Variants in VSIG10 observed in about 807,000 individuals in gnomAD.
VSIG10 encodes the protein V-set and immunoglobulin domain containing 10.
VSIG10 carries 48 observed loss-of-function variants against 58.7 expected under a neutral mutation model. The ratio of observed to expected loss-of-function variants is 0.82; its 90% CI spans 0.65 to 1.04. VSIG10 has a LOEUF of 1.04. Ranked by LOEUF, VSIG10 falls within the 50% of genes least tolerant of loss-of-function variation. The pLI, the probability that VSIG10 is intolerant of heterozygous loss-of-function variation, is 0.00. For missense variants in VSIG10, 628 were observed against 670.0 expected, an observed-to-expected ratio of 0.94 and a Z score of 0.69; for synonymous variants, 260 against 267.1, an observed-to-expected ratio of 0.97 and a Z score of 0.26.
chr12:118,079,509 A>G lies in VSIG10; in HGVS notation c.762T>C (p.Pro254=), dbSNP rs1344225286. The G allele has an allele frequency of 1.9e-6, 3 of 1,613,918 alleles. No homozygotes were observed. Among genetic ancestry groups the G allele is most frequent in the Non-Finnish European group, 2.5e-6 (3 of 1,179,906 alleles). ...TCRWDGGYPD[P]DFLWIEEPGG... ...CTGGCTCTTCTATCCACAGGAAGTC[A>G]GGGTCAGGGTATCCCCCATCCCAGC... Residue 254 remains proline, a synonymous_variant, in exon 4 of 9, where the codon CCT becomes CCC. Transcript: ENST00000359236.
intron 4 of VSIG10, among the ~76,000 whole-genome samples, chr12:118,076,362 C>T (rs904113850): frequency 5.4e-5 from 8 of 146,954 alleles, no homozygotes; most frequent in East Asian, 3.9e-4. Context: ...AAATTATGCA[C>T]GGTCCCTTTT....
chr12:118,077,398 A>G (rs1367285139), intron 4 of VSIG10, among the ~76,000 whole-genome samples: 1 of 151,994 alleles, frequency 6.6e-6, no homozygotes, highest in East Asian at 1.9e-4. Context: ...TATATATACC[A>G]TTTTATTATC....
rs1028655220 is a variant in VSIG10, at chr12:118,066,772, A to G, written c.1568-78T>C. On this transcript the variant is annotated intron_variant, in intron 8 of 8. Coordinates refer to ENST00000359236, the MANE Select transcript of VSIG10 (RefSeq NM_019086.6). ...TCCACCGTCAGTCATCAATCATCTCAGTGATTTCTAGTCCTTTCCTGGTGA... is the reference window on the plus strand; with the variant it reads ...TCCACCGTCAGTCATCAATCATCTCGGTGATTTCTAGTCCTTTCCTGGTGA... The G allele has an allele frequency of 4.2e-6, 6 of 1,420,244 alleles. No individual in the cohort carries two copies. The African/African-American group carries it at 8.6e-5, about 20-fold the overall frequency. 88.0% of individuals were successfully genotyped at this position (1,420,244 alleles called of 1,614,324 possible).
intron 2 of VSIG10, among the ~76,000 whole-genome samples, chr12:118,087,096 G>C (rs1480282521): frequency 6.7e-6 from 1 of 150,288 alleles, no homozygotes; most frequent in East Asian, 2.0e-4. Context: ...AAAAAAGAAA[G>C]AAAGAAAGAA....
intron 8 of VSIG10, among the ~76,000 whole-genome samples, chr12:118,067,816 G>A (rs938434963): frequency 6.6e-6 from 1 of 151,976 alleles, no homozygotes; most frequent in African/African-American, 2.4e-5. Flanking sequence ...TCTATTTTCT[G>A]TTCTCCCACA....
At position 118,091,220 on chromosome 12, in the gene VSIG10, C is replaced by A. The variant is rs145904502; in HGVS notation, c.361+4313G>T. Among the ~76,000 whole-genome samples, 1,411 of 152,122 alleles carry A rather than the reference C, an allele frequency of 9.3e-3. 22 individuals carry two copies. The highest frequency in any genetic ancestry group is 0.033 in the African/African-American group (1,369 of 41,530). ...GTTAAAATGTTTCAGGGGCTGGGTA[C>A]GGTGGCTCACGCCTGTAATCCCAAC... On this transcript the variant is annotated intron_variant, in intron 2 of 8. Transcript: ENST00000359236.
intron 8 of VSIG10, 54 bp from the exon 9 acceptor site, chr12:118,066,748 C>T (rs2032262669): frequency 6.6e-7 from 1 of 1,509,804 alleles, no homozygotes; most frequent in African/African-American, 1.4e-5. Context: ...GATTCTATTT[C>T]CACCGTCAGT....
At chr12:118,068,000 G>A (rs1004760116) in intron 8 of VSIG10, among the ~76,000 whole-genome samples, 5 of 149,032 alleles carry the variant, frequency 3.4e-5, no homozygotes, top group South Asian at 2.1e-4. Context: ...GAAGCTCACC[G>A]CAGCAGTTCA....
In VSIG10 at chr12:118,089,494, A is replaced by G. The variant is rs543958137; in HGVS notation, c.361+6039T>C. Among the ~76,000 whole-genome samples the G allele has an allele frequency of 4.6e-5, 7 of 152,356 alleles. No homozygotes were observed. The South Asian group carries it at 1.5e-3, about 32-fold the overall frequency. On this transcript the variant is annotated intron_variant, in intron 2 of 8. Coordinates refer to ENST00000359236, the MANE Select transcript of VSIG10 (RefSeq NM_019086.6). ...AAGGTTATTCATTGATGAGATGGAC[A>G]GGAAGCGATGACTAATTATTTTGGG...
At chr12:118,070,521 C>A in intron 7 of VSIG10, among the ~76,000 whole-genome samples, 1 of 140,836 alleles carries the variant, frequency 7.1e-6, no homozygotes, top group Admixed American at 7.6e-5. Flanking sequence ...GCACTCCAGC[C>A]TGAGCAAGAG....
rs151140194 is a variant in VSIG10, at chr12:118,068,945, A to G, written c.1347-348T>C. Among the ~76,000 whole-genome samples the G allele has an allele frequency of 3.9e-4, 59 of 152,104 alleles. No homozygotes were observed. In the East Asian group the frequency reaches 0.011, roughly 28 times the overall value. On this transcript the variant is annotated intron_variant, in intron 7 of 8. Transcript: ENST00000359236. Reference sequence around the variant, plus strand: ...CTTACCAAAATCTCTCCCCTTCCTCATTTTGGAAGACCCAGGTAAAGTCCT... The same window carrying G: ...CTTACCAAAATCTCTCCCCTTCCTCGTTTTGGAAGACCCAGGTAAAGTCCT...
At chr12:118,094,106 G>A (rs1228877343) in intron 2 of VSIG10, among the ~76,000 whole-genome samples, 1 of 151,660 alleles carries the variant, frequency 6.6e-6, no homozygotes, top group Non-Finnish European at 1.5e-5. Context: ...GACTCCATAT[G>A]TTTTTTTTAG....
rs1219322587 is a variant in VSIG10 at position 118,103,831 on chromosome 12, C to CGA, written c.-162_-161dup. On this transcript the variant is annotated 5_prime_UTR_variant, in exon 1 of 9. Coordinates refer to ENST00000359236, the MANE Select transcript of VSIG10 (RefSeq NM_019086.6). ...CCCCAGGAAGGATGCTTGGCTGAGC[C>CGA]GAGTGTCCAGGGCCGGCAGCGGAGC... 4.4e-6 allele frequency: 3 copies of CGA among 678,648 alleles called. No homozygotes were observed. The highest frequency in any genetic ancestry group is 6.7e-6 in the Non-Finnish European group (3 of 450,028). 42.0% of individuals were successfully genotyped at this position (678,648 alleles called of 1,614,324 possible).
intron 2 of VSIG10, among the ~76,000 whole-genome samples, chr12:118,094,170 G>A (rs895126988): frequency 6.8e-6 from 1 of 147,334 alleles, no homozygotes; most frequent in African/African-American, 2.5e-5. Flanking sequence ...ATTGATAGGT[G>A]CAATTATGGT....
At chr12:118,081,020 C>T (rs147536889) in intron 3 of VSIG10, among the ~76,000 whole-genome samples, 2 of 152,126 alleles carry the variant, frequency 1.3e-5, no homozygotes, top group Non-Finnish European at 2.9e-5. Context: ...GTGAGCAGAT[C>T]ACTTGAGCTC....
At chr12:118,099,801 G>T (rs762153780) in intron 1 of VSIG10, among the ~76,000 whole-genome samples, 5 of 152,184 alleles carry the variant, frequency 3.3e-5, no homozygotes, top group Non-Finnish European at 7.3e-5. Context: ...TTAAGTGAAA[G>T]AGTAATCATT....
intron 7 of VSIG10, 147 bp from the exon 8 acceptor site, chr12:118,068,744 G>T: frequency 9.5e-7 from 1 of 1,051,696 alleles, no homozygotes. Context: ...TGATGGTGTG[G>T]TAACCGCAGA....
At chr12:118,074,481 A>ATT (rs775667191) in intron 4 of VSIG10, among the ~76,000 whole-genome samples, 5 of 137,118 alleles carry the variant, frequency 3.6e-5, no homozygotes, top group Non-Finnish European at 8.0e-5. Context: ...GAAATGAACA[A>ATT]TTTTTTTTTT....
intron 2 of VSIG10, among the ~76,000 whole-genome samples, chr12:118,093,324 C>T (rs1007713389): frequency 2.0e-5 from 3 of 151,654 alleles, no homozygotes; most frequent in African/African-American, 4.8e-5. Flanking sequence ...TCATAATCTG[C>T]AGGCCATACA....
Sources: gnomAD v4.1 joint callset for allele counts (sites outside exome capture counted in the v4.1 genomes callset) on GRCh38, gnomAD v4.1.1 for gene constraint, MANE v1.5 for transcripts, NCBI Gene and HGNC (gene_info 2026-07-23, HGNC 2026-07-21) for gene names.